The following CNTN5 variants were observed in gnomAD, a reference collection of about 807,000 sequenced individuals.
CNTN5 encodes contactin-5.
Under a neutral mutation model 129.1 loss-of-function variants are expected in CNTN5, and 77 were observed. The observed-to-expected ratio is 0.60, with a 90% CI of 0.50 to 0.72. The LOEUF is 0.72. Among genes scored for constraint, CNTN5 ranks in the 30% least tolerant of loss-of-function variants. The pLI, the probability that CNTN5 is intolerant of heterozygous loss-of-function variation, is 0.00. For missense variants in CNTN5, 1,478 were observed against 1,328.8 expected, an observed-to-expected ratio of 1.11 and a Z score of -1.75; for synonymous variants, 509 against 465.6, an observed-to-expected ratio of 1.09 and a Z score of -1.20.
At chr11:99,327,004 T>G (rs1356264002) in intron 2 of CNTN5, among the ~76,000 whole-genome samples, 3 of 152,206 alleles carry the variant, frequency 2.0e-5, no homozygotes, top group African/African-American at 7.2e-5. Flanking sequence ...TTCCTATATA[T>G]AAACATTTTG....
intron 2 of CNTN5, among the ~76,000 whole-genome samples, chr11:99,397,581 A>G (rs994611771): frequency 6.6e-6 from 1 of 151,844 alleles, no homozygotes; most frequent in Non-Finnish European, 1.5e-5. Context: ...GCTTTTGATT[A>G]TAATTCATTA....
intron 3 of CNTN5, among the ~76,000 whole-genome samples, chr11:99,744,537 A>G (rs958487829): frequency 8.4e-6 from 1 of 118,890 alleles, no homozygotes; most frequent in Admixed American, 9.6e-5. Context: ...CGTCTCTACA[A>G]AAAGTTAAAA....
intron 2 of CNTN5, among the ~76,000 whole-genome samples, chr11:99,466,564 A>G (rs993382046): frequency 2.6e-5 from 4 of 152,218 alleles, no homozygotes; most frequent in Non-Finnish European, 5.9e-5. Flanking sequence ...ATTTTTTATT[A>G]GAGTAGGCAA....
chr11:99,407,313 T>C (rs1208087930), intron 2 of CNTN5, among the ~76,000 whole-genome samples: 1 of 152,082 alleles, frequency 6.6e-6, no homozygotes, highest in African/African-American at 2.4e-5. Flanking sequence ...AATCAGCGGG[T>C]TCCCTTCTGG....
chr11:99,104,301 G>T lies in CNTN5; in HGVS notation c.-210+83031G>T, dbSNP rs140511370. Among the ~76,000 whole-genome samples, 1,137 of 152,078 alleles carry T rather than the reference G, an allele frequency of 7.5e-3. 15 individuals are homozygous for T. Among genetic ancestry groups the T allele is most frequent in the Non-Finnish European group, 0.011 (744 of 68,002 alleles). On this transcript the variant is annotated intron_variant, in intron 1 of 24. Transcript: ENST00000524871. Reference sequence around the variant, plus strand: ...TGACATGTTGGACTGGATAACTATTGGAGGCTGTCCTGTGCATTTTTGGAT... The same window carrying T: ...TGACATGTTGGACTGGATAACTATTTGAGGCTGTCCTGTGCATTTTTGGAT...
chr11:99,971,602 G>A (rs1272697543), intron 8 of CNTN5, among the ~76,000 whole-genome samples: 1 of 151,558 alleles, frequency 6.6e-6, no homozygotes, highest in Non-Finnish European at 1.5e-5. Context: ...ACAAATGCCA[G>A]CCCTAACTCG....
intron 2 of CNTN5, among the ~76,000 whole-genome samples, chr11:99,391,241 T>G (rs990699136): frequency 1.2e-4 from 18 of 152,168 alleles, no homozygotes; most frequent in African/African-American, 4.1e-4. Flanking sequence ...CTTGAACTGT[T>G]AATCGTAAAA....
Position 99,253,413 on chromosome 11 carries a change from G to A in CNTN5, c.-209-71933G>A, listed in dbSNP as rs966402116. 6.6e-5 allele frequency among the ~76,000 whole-genome samples: 10 copies of A among 152,068 alleles called. No homozygotes were observed. In the East Asian group the frequency reaches 1.4e-3, roughly 21 times the overall value. On this transcript the variant is annotated intron_variant, in intron 1 of 24. Coordinates refer to ENST00000524871, the MANE Select transcript of CNTN5 (RefSeq NM_014361.4). ...ATAGCATTCATTTGGCCATATTTAC[G>A]TCAACAACGTATAGCCATAATTTCC...
intron 3 of CNTN5, among the ~76,000 whole-genome samples, chr11:99,707,831 CTAATA>C (rs1343398602): frequency 6.6e-6 from 1 of 151,470 alleles, no homozygotes; most frequent in Non-Finnish European, 1.5e-5. Context: ...ATTATAATAT[CTAATA>C]TAAAATAATA....
intron 15 of CNTN5, among the ~76,000 whole-genome samples, chr11:100,223,419 A>C (rs1949307977): frequency 1.3e-5 from 2 of 152,172 alleles, no homozygotes; most frequent in Admixed American, 1.3e-4. Context: ...AAAAGTTCAC[A>C]ATGACTTTGC....
intron 3 of CNTN5, among the ~76,000 whole-genome samples, chr11:99,706,840 C>CT (rs11451959): frequency 0.26 from 36,177 of 139,552 alleles, 4,914 homozygotes; most frequent in Middle Eastern, 0.39. Flanking sequence ...TGTGTCTGGT[C>CT]TTTTTTTTTT....
At chr11:99,807,711 T>G (rs1168579592) in intron 3 of CNTN5, among the ~76,000 whole-genome samples, 1 of 152,096 alleles carries the variant, frequency 6.6e-6, no homozygotes, top group Non-Finnish European at 1.5e-5. Flanking sequence ...ATTAGAAAAT[T>G]ACGTGTACAA....
chr11:99,023,207 C>G (rs1862962027), intron 1 of CNTN5, among the ~76,000 whole-genome samples: 1 of 152,178 alleles, frequency 6.6e-6, no homozygotes, highest in Non-Finnish European at 1.5e-5. Flanking sequence ...TGAATCTATA[C>G]ATAGAATATG....
chr11:99,251,134 T>C (rs1027370061), intron 1 of CNTN5, among the ~76,000 whole-genome samples: 18 of 152,088 alleles, frequency 1.2e-4, no homozygotes, highest in African/African-American at 4.3e-4. Context: ...TTTGTGTTGT[T>C]CTTCAAAGCT....
intron 2 of CNTN5, among the ~76,000 whole-genome samples, chr11:99,388,565 T>G (rs560832234): frequency 6.6e-6 from 1 of 152,204 alleles, no homozygotes; most frequent in Non-Finnish European, 1.5e-5. Context: ...AAATATGAAC[T>G]GATTTGTCTT....
intron 2 of CNTN5, among the ~76,000 whole-genome samples, chr11:99,544,545 T>G (rs1948227658): frequency 6.6e-6 from 1 of 152,218 alleles, no homozygotes; most frequent in Non-Finnish European, 1.5e-5. Context: ...AGTAATTATT[T>G]TAAATGCTTG....
intron 13 of CNTN5, among the ~76,000 whole-genome samples, chr11:100,149,330 G>A (rs1341965858): frequency 1.3e-5 from 2 of 152,072 alleles, no homozygotes; most frequent in Non-Finnish European, 2.9e-5. Context: ...AAACAATGCA[G>A]TAAAATTAAA....
chr11:99,076,543 A>C lies in CNTN5; in HGVS notation c.-210+55273A>C, dbSNP rs553249450. On this transcript the variant is annotated intron_variant, in intron 1 of 24. Coordinates refer to ENST00000524871, the MANE Select transcript of CNTN5 (RefSeq NM_014361.4). ...TGTGAAAATTTCAGGTAATGATCTC[A>C]GTGTATCCAGGTTTCCAGACTTTAA... is the stretch of plus-strand genomic sequence containing the variant. Among the ~76,000 whole-genome samples the C allele has an allele frequency of 9.9e-5, 15 of 152,248 alleles. No individual in the cohort carries two copies. In the East Asian group the frequency reaches 2.9e-3, roughly 29 times the overall value.
At chr11:100,204,266 A>G (rs1203793926) in intron 15 of CNTN5, among the ~76,000 whole-genome samples, 1 of 126,404 alleles carries the variant, frequency 7.9e-6, no homozygotes, top group Non-Finnish European at 1.7e-5. Context: ...CTAGCCATTT[A>G]GAGTAGCTCA....
Sources: allele counts gnomAD v4.1 joint callset (sites outside exome capture counted in the v4.1 genomes callset), GRCh38; gene constraint gnomAD v4.1.1; transcripts MANE v1.5; gene names NCBI Gene and HGNC (gene_info 2026-07-23, HGNC 2026-07-21).